The following CUBN variants were observed in gnomAD, a reference collection of about 807,000 sequenced individuals.
The protein encoded by CUBN is cubilin.
Under a neutral mutation model 405.3 loss-of-function variants are expected in CUBN, and 282 were observed. That is an observed-to-expected ratio of 0.70 (90% CI 0.63 to 0.77). CUBN has a LOEUF of 0.77. CUBN is among the 30% of genes least tolerant of loss of function. CUBN has a pLI of 0.00. For synonymous variants in CUBN, 1,684 were observed against 1,617.0 expected, an observed-to-expected ratio of 1.04 and a Z score of -0.99; for missense variants, 4,514 against 4,475.2, an observed-to-expected ratio of 1.01 and a Z score of -0.25.
intron 66 of CUBN, among the ~76,000 whole-genome samples, chr10:16,827,690 C>G (rs1031017233): frequency 3.3e-5 from 5 of 152,216 alleles, no homozygotes; most frequent in Non-Finnish European, 7.3e-5. Flanking sequence ...CAACCTCCGC[C>G]TCCCTGGCTC....
Position 17,085,766 on chromosome 10 carries a change from C to G in CUBN, c.1948-7G>C, listed in dbSNP as rs1007807473. 3.1e-6 allele frequency: 5 copies of G among 1,613,458 alleles called. No individual in the cohort carries two copies. In the African/African-American group the frequency reaches 4.0e-5, roughly 13 times the overall value. On this transcript the variant is annotated splice_region_variant and splice_polypyrimidine_tract_variant and intron_variant, in intron 15 of 66. Transcript: ENST00000377833. ...ACAAAGGACCATCTCGAATCTAAAA[C>G]AAAAGGATGAATCATTAAGCTCAAA...
At position 16,888,531 on chromosome 10, in the gene CUBN, T is replaced by G. The variant is rs1588621340; in HGVS notation, c.8791A>C (p.Ile2931Leu). The G allele has an allele frequency of 1.2e-6, 2 of 1,613,766 alleles. No homozygotes were observed. The highest frequency in any genetic ancestry group is 1.3e-5 in the African/African-American group (1 of 75,042). ...TGTTTTGGGTAATTTGGAGAAATGATGTAACCTGAAGGGCCAGTGAAATTA... is the reference window on the plus strand; with the variant it reads ...TGTTTTGGGTAATTTGGAGAAATGAGGTAACCTGAAGGGCCAGTGAAATTA... The part of the protein sequence containing the change: ...GSNFTGPSGY[I>L]ISPNYPKQYD... Residue 2931 changes from isoleucine (I) to leucine (L), a missense_variant, in exon 56 of 67, where the codon ATC (isoleucine) becomes CTC (leucine). Around this residue, in one of 5 missense-constraint regions of CUBN, gnomAD observed 1,186 missense variants for 1,186.9 expected, o/e 1.00. Transcript: ENST00000377833.
In CUBN at chr10:16,933,264, T is replaced by G. The variant is rs771036759; in HGVS notation, c.5947A>C (p.Arg1983=). 4.3e-6 allele frequency: 7 copies of G among 1,613,726 alleles called. No homozygotes were observed. Among genetic ancestry groups the G allele is most frequent in the Non-Finnish European group, 5.9e-6 (7 of 1,179,972 alleles). ...AGAAACACGGGTGCATCTCCCGTCC[T>G]CAGGAAGCCACCACAAGCACCTGTA... ...IAPGACGGFL[R]TGDAPVFLFS... Residue 1983 remains arginine (R), a synonymous_variant, in exon 40 of 67, where the codon AGG becomes CGG. Coordinates refer to ENST00000377833, the MANE Select transcript of CUBN (RefSeq NM_001081.4).
chr10:16,836,225 C>T lies in CUBN; in HGVS notation c.10180+10G>A. 6.2e-7 allele frequency: 1 copy of T among 1,611,972 alleles called. No homozygotes were observed. The highest frequency in any genetic ancestry group is 8.5e-7 in the Non-Finnish European group (1 of 1,178,112). ...CTTTTTTGAATAAAAGATGAAGTTC[C>T]TGGCCTCACCTGCAATCTGATAGGT... On this transcript the variant is annotated intron_variant, in intron 63 of 66. Coordinates refer to ENST00000377833, the MANE Select transcript of CUBN (RefSeq NM_001081.4).
At position 16,906,307 on chromosome 10, in the gene CUBN, A is replaced by C. The variant is rs762533579; in HGVS notation, c.7808T>G (p.Leu2603Arg). ...TGAATTTCCCTGATTTGGATTGCTG[A>C]GAGTCCATTCGCAGTTCAGGTTTCT... The part of the protein sequence containing the change: ...YSRNLNCEWT[L>R]SNPNQGNSSI... The change falls in exon 50 of 67, where the codon CTC (leucine) becomes CGC (arginine). Residue 2603 changes from leucine to arginine, a missense_variant. Around this residue, in one of 5 missense-constraint regions of CUBN, gnomAD observed 1,613 missense variants for 1,542.8 expected, o/e 1.05. Transcript: ENST00000377833. 5 of 1,613,902 alleles carry C rather than the reference A, an allele frequency of 3.1e-6. No homozygotes were observed. The highest frequency in any genetic ancestry group is 4.2e-6 in the Non-Finnish European group (5 of 1,179,734).
chr10:16,957,031 A>G (rs1843085319), intron 31 of CUBN, among the ~76,000 whole-genome samples: 1 of 152,152 alleles, frequency 6.6e-6, no homozygotes, highest in African/African-American at 2.4e-5. Context: ...TGAGACCATT[A>G]AGAATCCTCT....
In CUBN at chr10:16,988,547, A is replaced by G. The variant is rs117049089; in HGVS notation, c.4350+1787T>C. Among the ~76,000 whole-genome samples, 86 of 152,308 alleles carry G rather than the reference A, an allele frequency of 5.6e-4. 1 individual carries two copies. In the East Asian group the frequency reaches 0.01, roughly 18 times the overall value. On this transcript the variant is annotated intron_variant, in intron 29 of 66. Transcript: ENST00000377833. The stretch of plus-strand genomic sequence containing the variant: ...AAATGGTAAGTCTTTTAGAGCCACT[A>G]AAAGTAATTCCTTGTGACTCTCACT...
chr10:16,857,915 A>C (rs924335291), intron 59 of CUBN, among the ~76,000 whole-genome samples: 3 of 152,228 alleles, frequency 2.0e-5, no homozygotes, highest in Admixed American at 2.0e-4. Context: ...GAAAATCCCA[A>C]GTAATATGGA....
chr10:16,910,211 C>G (rs1841686698), intron 48 of CUBN, among the ~76,000 whole-genome samples: 2 of 150,114 alleles, frequency 1.3e-5, no homozygotes, highest in African/African-American at 4.9e-5. Flanking sequence ...CTCCTTCTCC[C>G]TCTCTTCTCC....
intron 4 of CUBN, 24 bp downstream of exon 4, chr10:17,126,737 G>C: frequency 6.2e-7 from 1 of 1,611,886 alleles, no homozygotes; most frequent in Non-Finnish European, 8.5e-7. Flanking sequence ...GAAAGATTTG[G>C]GTATGTAGTA....
chr10:17,082,536 C>T (rs188334081), intron 17 of CUBN, among the ~76,000 whole-genome samples: 12 of 152,238 alleles, frequency 7.9e-5, no homozygotes, highest in Admixed American at 7.8e-4. Context: ...CAGAGAATCA[C>T]CATGAAGGCT....
chr10:16,980,658 A>G (rs939022688), intron 31 of CUBN, among the ~76,000 whole-genome samples: 2 of 152,122 alleles, frequency 1.3e-5, no homozygotes, highest in African/African-American at 2.4e-5. Flanking sequence ...GCATGGACAC[A>G]GGGAGGGGAA....
At position 16,901,461 on chromosome 10, in the gene CUBN, T is replaced by C. The variant is rs765449315; in HGVS notation, c.8063-2A>G. On this transcript the variant is annotated splice_acceptor_variant, in intron 51 of 66. Transcript: ENST00000377833. LOFTEE classifies it high-confidence loss of function. ...CACCTATCTGTATTCCGCCACAATCTGAAATGAGATTGGTAACCCTCTCAA... is the reference window on the plus strand; with the variant it reads ...CACCTATCTGTATTCCGCCACAATCCGAAATGAGATTGGTAACCCTCTCAA... The C allele has an allele frequency of 6.2e-7, 1 of 1,614,078 alleles. No individual in the cohort carries two copies. Among genetic ancestry groups the C allele is most frequent in the South Asian group, 1.1e-5 (1 of 91,088 alleles).
At chr10:17,040,720 T>C (rs557077396) in intron 27 of CUBN, among the ~76,000 whole-genome samples, 12 of 152,246 alleles carry the variant, frequency 7.9e-5, no homozygotes, top group South Asian at 4.1e-4. Context: ...TGATCTCTTA[T>C]ACACAGAGAA....
At chr10:16,838,436 G>C (rs532089362) in intron 62 of CUBN, among the ~76,000 whole-genome samples, 4 of 152,158 alleles carry the variant, frequency 2.6e-5, no homozygotes, top group Admixed American at 6.5e-5. Flanking sequence ...TGTTCTCCTG[G>C]TATCCATCCT....
At chr10:16,867,045 T>C (rs770627269) in intron 59 of CUBN, among the ~76,000 whole-genome samples, 8 of 152,200 alleles carry the variant, frequency 5.3e-5, no homozygotes, top group East Asian at 1.9e-4. Context: ...CATTGCCAAG[T>C]GTATAATCTA....
At position 16,925,682 on chromosome 10, in the gene CUBN, C is replaced by A. The variant is rs140117869; in HGVS notation, c.6364G>T (p.Val2122Phe). Residue 2122 changes from valine to phenylalanine, a missense_variant, in exon 42 of 67, where the codon GTC becomes TTC. Coordinates refer to ENST00000377833, the MANE Select transcript of CUBN (RefSeq NM_001081.4). ...YPSNLNCSWH[V>F]LVQSGLTIAV... is the part of the protein sequence containing the mutation. Reference sequence around the variant, plus strand: ...ATGGTCAGGCCACTTTGGACCAGGACGTGCCAAGAACAGTTGAGGTTGGAT... The same window carrying A: ...ATGGTCAGGCCACTTTGGACCAGGAAGTGCCAAGAACAGTTGAGGTTGGAT... 2.5e-6 allele frequency: 4 copies of A among 1,613,888 alleles called. No individual in the cohort carries two copies. In the South Asian group the frequency reaches 3.3e-5, roughly 13 times the overall value.
At chr10:16,871,867 C>T (rs1045283159) in intron 58 of CUBN, among the ~76,000 whole-genome samples, 1 of 152,180 alleles carries the variant, frequency 6.6e-6, no homozygotes, top group Non-Finnish European at 1.5e-5. Context: ...TCTTCTACCA[C>T]ACCTAGAATC....
rs754465854 is a variant in CUBN at position 17,115,545 on chromosome 10, C to T, written c.646G>A (p.Asp216Asn). The T allele has an allele frequency of 2.5e-6, 4 of 1,614,122 alleles. No homozygotes were observed. Among genetic ancestry groups the T allele is most frequent in the Admixed American group, 1.7e-5 (1 of 60,020 alleles). ...CGTGCCACAGAACCCCCTTCACAGT[C>T]GTCATATTTGGATGCACACTGGGGT... is the stretch of plus-strand genomic sequence containing the variant. ...YGPQCASKYD[D>N]CEGGSVARCV... Residue 216 changes from aspartate to asparagine, a missense_variant, in exon 7 of 67, where the codon GAC (aspartate) becomes AAC (asparagine). This residue lies in a region of CUBN where 1,448 missense variants were observed against 1,388.0 expected (regional missense o/e 1.04). Coordinates refer to ENST00000377833, the MANE Select transcript of CUBN (RefSeq NM_001081.4).
Sources: gnomAD v4.1 joint callset for allele counts (sites outside exome capture counted in the v4.1 genomes callset) on GRCh38, gnomAD v4.1.1 for gene constraint, gnomAD v4.1.1 regional missense constraint, MANE v1.5 for transcripts, NCBI Gene and HGNC (gene_info 2026-07-23, HGNC 2026-07-21) for gene names.